MPP2: variants seen among roughly 807,000 people sequenced by gnomAD.
MPP2 encodes the protein MAGUK p55 subfamily member 2.
A neutral mutation model predicts 58.5 loss-of-function variants in MPP2; 42 were observed. The ratio of observed to expected loss-of-function variants is 0.72; its 90% CI spans 0.56 to 0.93. The LOEUF (loss-of-function observed/expected upper bound fraction) is 0.93. Among genes scored for constraint, MPP2 ranks in the 40% least tolerant of loss-of-function variants. The pLI, the probability that MPP2 is intolerant of heterozygous loss-of-function variation, is 0.00. For synonymous variants in MPP2, 300 were observed against 307.8 expected, an observed-to-expected ratio of 0.97 and a Z score of 0.26; for missense variants, 632 against 760.4, an observed-to-expected ratio of 0.83 and a Z score of 1.99.
chr17:43,879,476 G>A lies in MPP2; in HGVS notation c.1354-73C>T. The A allele has an allele frequency of 6.3e-7, 1 of 1,584,888 alleles. No individual in the cohort carries two copies. Among genetic ancestry groups the A allele is most frequent in the South Asian group, 1.1e-5 (1 of 88,082 alleles). ...TAGGAACCAGAGAAAGGCTGTGAGG[G>A]TAACTGGGGTTGGGGTGAGCACTTG... On this transcript the variant is annotated intron_variant, in intron 11 of 12. Coordinates refer to ENST00000269095, the MANE Select transcript of MPP2 (RefSeq NM_005374.5). This position sits in a 1 kb window ranked among gnomAD's most constrained non-coding sequence, Gnocchi z 4.1.
Position 43,880,043 on chromosome 17 carries a change from C to T in MPP2, c.1151-59G>A, listed in dbSNP as rs2047038846. The T allele has an allele frequency of 6.6e-7, 1 of 1,512,344 alleles. No individual in the cohort carries two copies. The highest frequency in any genetic ancestry group is 9.2e-7 in the Non-Finnish European group (1 of 1,092,262). 93.7% of individuals were successfully genotyped at this position (1,512,344 alleles called of 1,614,324 possible). On this transcript the variant is annotated intron_variant, in intron 10 of 12. Coordinates refer to ENST00000269095, the MANE Select transcript of MPP2 (RefSeq NM_005374.5). The surrounding 1 kb of genome is among the most constrained non-coding windows in gnomAD (Gnocchi z 5.2). ...CAGGGGCAGGTTACAGTGCCTCAGA[C>T]ACATATATGCACCCCTACCCAGGCC... is the stretch of plus-strand genomic sequence containing the variant.
upstream of MPP2, chr17:43,909,568 C>G (rs2048385739): frequency 6.8e-7 from 1 of 1,473,094 alleles, no homozygotes; most frequent in Non-Finnish European, 9.0e-7. Context: ...ATCAAATCTT[C>G]CATTCCATTT....
chr17:43,878,784 G>A (rs531598140), intron 12 of MPP2, among the ~76,000 whole-genome samples: 12 of 152,348 alleles, frequency 7.9e-5, no homozygotes, highest in African/African-American at 2.9e-4. Context: ...GACATAGGAA[G>A]GAGGATGGGG....
upstream of MPP2, chr17:43,908,065 T>A: frequency 2.4e-6 from 2 of 821,664 alleles, no homozygotes; most frequent in Non-Finnish European, 2.9e-6. Context: ...CCAGAAATTT[T>A]GCAAAAAAGA....
rs971282754 is a variant in MPP2, at chr17:43,880,119, G to A, written c.1151-135C>T. 5 of 778,726 alleles carry A rather than the reference G, an allele frequency of 6.4e-6. No homozygotes were observed. Among genetic ancestry groups the A allele is most frequent in the South Asian group, 1.7e-5 (1 of 59,504 alleles). The allele number at this position is 778,726 out of a possible 1,614,324, so 48.2% of individuals were successfully genotyped here. On this transcript the variant is annotated intron_variant, in intron 10 of 12. Coordinates refer to ENST00000269095, the MANE Select transcript of MPP2 (RefSeq NM_005374.5). This position sits in a 1 kb window ranked among gnomAD's most constrained non-coding sequence, Gnocchi z 5.2. The stretch of plus-strand genomic sequence containing the variant: ...GTCTGCTCCCCATCTTGCCAGCACT[G>A]CTGCCTTTGCACACACCTGCCCCCC...
chr17:43,898,555 C>G (rs1406356227), intron 2 of MPP2, among the ~76,000 whole-genome samples, 175 bp from the exon 3 acceptor site: 1 of 151,238 alleles, frequency 6.6e-6, no homozygotes, highest in East Asian at 2.0e-4. Context: ...ATGCCTGGGA[C>G]AGGGATCCTG....
chr17:43,904,151 C>G (rs2048201307), intron 2 of MPP2, among the ~76,000 whole-genome samples: 1 of 152,222 alleles, frequency 6.6e-6, no homozygotes, highest in African/African-American at 2.4e-5. Context: ...CGGGTCACCT[C>G]TGGAGCATGC....
At chr17:43,885,445 T>C (rs558897946) in intron 3 of MPP2, among the ~76,000 whole-genome samples, 33 of 152,246 alleles carry the variant, frequency 2.2e-4, no homozygotes, top group Non-Finnish European at 3.2e-4. Context: ...TAGCAGGAGA[T>C]AGTATTTAGA....
rs1349283333 is a variant in MPP2 at position 43,876,987 on chromosome 17, T to C, written c.*820A>G. On this transcript the variant is annotated 3_prime_UTR_variant, in exon 13 of 13. Transcript: ENST00000269095. The stretch of plus-strand genomic sequence containing the variant: ...CCATGGAGAGCTTGGGGCTCTTCAG[T>C]TGGTAACAGCAGGTTGTCACAGGGC... The C allele has an allele frequency of 2.6e-5, 4 of 152,500 alleles. No individual in the cohort carries two copies. Among genetic ancestry groups the C allele is most frequent in the Admixed American group, 6.5e-5 (1 of 15,288 alleles). 9.4% of individuals were successfully genotyped at this position (152,500 alleles called of 1,614,324 possible). A position where few individuals can be genotyped will look rare whatever the true frequency, so the allele number is the denominator to read the frequency against.
upstream of MPP2, among the ~76,000 whole-genome samples, chr17:43,909,155 C>T (rs2048378860): frequency 6.6e-6 from 1 of 152,092 alleles, no homozygotes. Context: ...CAACCTCTGC[C>T]TCCCGGGTTC....
chr17:43,907,300 A>AC, intron 1 of MPP2, 174 bp downstream of exon 1: 1 of 981,536 alleles, frequency 1.0e-6, no homozygotes, highest in Non-Finnish European at 1.2e-6. Flanking sequence ...CCCAACCAGC[A>AC]CCCCAGAAAG....
At chr17:43,896,547 C>T (rs1318622861) in intron 3 of MPP2, among the ~76,000 whole-genome samples, 1 of 152,034 alleles carries the variant, frequency 6.6e-6, no homozygotes, top group Non-Finnish European at 1.5e-5. Context: ...TCTTTCCAGC[C>T]TGGGCCTCTT....
At chr17:43,881,806 G>A (rs1357223199) in intron 6 of MPP2, among the ~76,000 whole-genome samples, 2 of 152,078 alleles carry the variant, frequency 1.3e-5, no homozygotes, top group African/African-American at 2.4e-5. Flanking sequence ...AAGGATGCGG[G>A]ACCACCAAGT....
chr17:43,892,190 C>T lies in MPP2; in HGVS notation c.150+6072G>A, dbSNP rs2143672655. On this transcript the variant is annotated intron_variant, in intron 3 of 12. Transcript: ENST00000269095. ...TGTCCCTCCCTGGTCCCAGATCTACCCAGCCTGGCCCCTCCTACACTGTCT... is the reference window on the plus strand; with the variant it reads ...TGTCCCTCCCTGGTCCCAGATCTACTCAGCCTGGCCCCTCCTACACTGTCT... Among the ~76,000 whole-genome samples the T allele has an allele frequency of 2.0e-5, 3 of 152,314 alleles. No individual in the cohort carries two copies. In the Middle Eastern group the frequency reaches 0.01, roughly 518 times the overall value.
chr17:43,884,203 C>A, intron 3 of MPP2: 1 of 687,956 alleles, frequency 1.5e-6, no homozygotes, highest in South Asian at 1.6e-5. Flanking sequence ...GTAAGACAGT[C>A]CACATTCAAA....
intron 6 of MPP2, 130 bp from the exon 7 acceptor site, chr17:43,881,719 C>T (rs1471296978): frequency 4.0e-6 from 5 of 1,237,502 alleles, no homozygotes; most frequent in African/African-American, 3.1e-5. Flanking sequence ...GGAGTGATGC[C>T]TCCAGGCCTG....
At chr17:43,899,576 T>C (rs565800277) in intron 2 of MPP2, among the ~76,000 whole-genome samples, 30 of 152,290 alleles carry the variant, frequency 2.0e-4, no homozygotes, top group African/African-American at 6.0e-4. Context: ...CAATGATCTA[T>C]AATCACTGAG....
chr17:43,888,846 C>A (rs1186201496), intron 3 of MPP2, among the ~76,000 whole-genome samples: 1 of 152,322 alleles, frequency 6.6e-6, no homozygotes, highest in Middle Eastern at 3.4e-3. Context: ...CACAGCTCTC[C>A]AAGCTCAACC....
rs113573690 is a variant in MPP2 at position 43,904,498 on chromosome 17, A to G, written c.-33-5T>C. ...AAGGGCTCTGAAACGTCTCTCCTGG[A>G]GAGGGGAGAGAGGAGGATGAGCAGA... is the stretch of plus-strand genomic sequence containing the variant. On this transcript the variant is annotated splice_polypyrimidine_tract_variant and splice_region_variant and intron_variant, in intron 1 of 12. Coordinates refer to ENST00000269095, the MANE Select transcript of MPP2 (RefSeq NM_005374.5). The G allele has an allele frequency of 6.2e-7, 1 of 1,613,024 alleles. No homozygotes were observed. Among genetic ancestry groups the G allele is most frequent in the Non-Finnish European group, 8.5e-7 (1 of 1,179,208 alleles).
Sources: allele counts gnomAD v4.1 joint callset (sites outside exome capture counted in the v4.1 genomes callset), GRCh38; gene constraint gnomAD v4.1.1; non-coding constraint Gnocchi (gnomAD v3.1); transcripts MANE v1.5; gene names NCBI Gene and HGNC (gene_info 2026-07-23, HGNC 2026-07-21).